CCDC150: variants seen among roughly 807,000 people sequenced by gnomAD.
The protein encoded by CCDC150 is coiled-coil domain-containing protein 150.
CCDC150 carries 151 observed loss-of-function variants against 156.5 expected under a neutral mutation model. The observed-to-expected ratio is 0.97, with a 90% CI of 0.85 to 1.10. CCDC150 has a LOEUF of 1.10. CCDC150 is among the 50% of genes least tolerant of loss of function. The pLI is 0.00. For missense variants in CCDC150, 1,312 were observed against 1,268.1 expected (o/e 1.03, Z -0.53); for synonymous variants, 452 against 429.4 (o/e 1.05, Z -0.65).
intron 5 of CCDC150, among the ~76,000 whole-genome samples, chr2:196,660,357 G>A (rs766488843): frequency 6.6e-6 from 1 of 152,128 alleles, no homozygotes; most frequent in Non-Finnish European, 1.5e-5. Context: ...GGTTCATCTG[G>A]TAAGCCTATG....
At chr2:196,707,490 T>G (rs530984811) in intron 15 of CCDC150, among the ~76,000 whole-genome samples, 3 of 152,300 alleles carry the variant, frequency 2.0e-5, no homozygotes, top group African/African-American at 7.2e-5. Context: ...TTTGAAGGGT[T>G]TTTTGTGTCT....
intron 7 of CCDC150, chr2:196,667,139 C>CA: frequency 2.6e-6 from 1 of 391,670 alleles, no homozygotes; most frequent in Admixed American, 3.7e-5. Context: ...GAATATTGGG[C>CA]AAAAAAAGTA....
chr2:196,704,804 G>C (rs1440902800), intron 15 of CCDC150, among the ~76,000 whole-genome samples: 1 of 152,092 alleles, frequency 6.6e-6, no homozygotes, highest in Non-Finnish European at 1.5e-5. Context: ...TGGGGTGTTT[G>C]TTTTTCTGTC....
intron 22 of CCDC150, among the ~76,000 whole-genome samples, chr2:196,728,428 T>C (rs757401423): frequency 2.6e-5 from 4 of 152,198 alleles, no homozygotes; most frequent in Non-Finnish European, 4.4e-5. Context: ...CTACCATCCA[T>C]AGAGAATACC....
Position 196,667,008 on chromosome 2 carries a change from A to G in CCDC150, c.892+160A>G, listed in dbSNP as rs373295445. 147 of 689,884 alleles carry G rather than the reference A, an allele frequency of 2.1e-4. 3 individuals are homozygous for G. Among genetic ancestry groups the G allele is most frequent in the East Asian group, 1.5e-3 (55 of 37,880 alleles). 42.7% of individuals were successfully genotyped at this position (689,884 alleles called of 1,614,324 possible). A position where few individuals can be genotyped will look rare whatever the true frequency, so the allele number is the denominator to read the frequency against. On this transcript the variant is annotated intron_variant, in intron 7 of 27. Coordinates refer to ENST00000389175, the MANE Select transcript of CCDC150 (RefSeq NM_001080539.2). ...GATTTCCCTTCTACCTGCAGTACTG[A>G]GATACAGAAGGATTGTTGTTAATAA...
intron 7 of CCDC150, 92 bp downstream of exon 7, chr2:196,666,940 G>T (rs1693882814): frequency 7.3e-7 from 1 of 1,377,690 alleles, no homozygotes; most frequent in South Asian, 1.2e-5. Context: ...AAAGTGGCCA[G>T]TGTTATTGGT....
At chr2:196,709,939 T>C (rs1156569874) in intron 15 of CCDC150, among the ~76,000 whole-genome samples, 3 of 151,998 alleles carry the variant, frequency 2.0e-5, no homozygotes, top group Non-Finnish European at 4.4e-5. Context: ...TACTGGGAGG[T>C]GTCTCCCAGT....
At chr2:196,648,856 G>GTA (rs1559212754) in intron 2 of CCDC150, among the ~76,000 whole-genome samples, 1 of 152,136 alleles carries the variant, frequency 6.6e-6, no homozygotes. Flanking sequence ...TCTTCTGTAT[G>GTA]TGGATAGTCA....
chr2:196,709,855 A>G (rs1316064845), intron 15 of CCDC150, among the ~76,000 whole-genome samples: 1 of 152,062 alleles, frequency 6.6e-6, no homozygotes. Flanking sequence ...AACAGCAAAT[A>G]TGGCTGCCTG....
chr2:196,732,281 G>A, intron 27 of CCDC150, 129 bp downstream of exon 27: 2 of 1,220,142 alleles, frequency 1.6e-6, no homozygotes, highest in Non-Finnish European at 2.3e-6. Context: ...CTAATGCTAG[G>A]AAACCAATTA....
At chr2:196,719,024 C>G (rs1347810142) in intron 18 of CCDC150, among the ~76,000 whole-genome samples, 1 of 152,200 alleles carries the variant, frequency 6.6e-6, no homozygotes, top group Non-Finnish European at 1.5e-5. Flanking sequence ...TCCCAAACTT[C>G]TCTTTGTCAG....
chr2:196,724,813 A>G (rs577348426), intron 21 of CCDC150, among the ~76,000 whole-genome samples: 12 of 152,266 alleles, frequency 7.9e-5, no homozygotes, highest in Admixed American at 3.3e-4. Flanking sequence ...TTTTTTGCTC[A>G]TTTTTCAGAT....
At position 196,676,251 on chromosome 2, in the gene CCDC150, C is replaced by A; in HGVS notation, c.1246C>A (p.Gln416Lys). The A allele has an allele frequency of 6.2e-7, 1 of 1,613,424 alleles. No individual in the cohort carries two copies. The highest frequency in any genetic ancestry group is 8.5e-7 in the Non-Finnish European group (1 of 1,179,596). The change falls in exon 11 of 28, where the codon CAA becomes AAA. Residue 416 changes from glutamine (Q) to lysine (K), a missense_variant. Coordinates refer to ENST00000389175, the MANE Select transcript of CCDC150 (RefSeq NM_001080539.2). ...ELQTVQNEKTQLQAHLDHLIL... is the reference protein window; with the variant it reads ...ELQTVQNEKTKLQAHLDHLIL... ...ACAGACTGTTCAGAATGAGAAAACC[C>A]AACTCCAGGCACATCTGTAAGTAAA...
rs1048667651 is a variant in CCDC150 at position 196,657,250 on chromosome 2, G to T, written c.576+114G>T. On this transcript the variant is annotated intron_variant, in intron 4 of 27. Coordinates refer to ENST00000389175, the MANE Select transcript of CCDC150 (RefSeq NM_001080539.2). Reference sequence around the variant, plus strand: ...GGTGATGTTGATATGAGGATTCTTGGCATTTGACATTTGGCATGTTGATTT... The same window carrying T: ...GGTGATGTTGATATGAGGATTCTTGTCATTTGACATTTGGCATGTTGATTT... The T allele has an allele frequency of 1.3e-4, 134 of 1,026,970 alleles. No individual in the cohort carries two copies. In the African/African-American group the frequency reaches 1.9e-3, roughly 15 times the overall value. 63.6% of individuals were successfully genotyped at this position (1,026,970 alleles called of 1,614,324 possible). A position where few individuals can be genotyped will look rare whatever the true frequency, so the allele number is the denominator to read the frequency against.
At chr2:196,722,996 A>G (rs1282276192) in intron 21 of CCDC150, among the ~76,000 whole-genome samples, 1 of 152,128 alleles carries the variant, frequency 6.6e-6, no homozygotes, top group Non-Finnish European at 1.5e-5. Context: ...AATAGTTTGT[A>G]TTTTCATCAA....
intron 7 of CCDC150, among the ~76,000 whole-genome samples, chr2:196,669,402 GT>G (rs1559228335): frequency 6.6e-6 from 1 of 152,144 alleles, no homozygotes; most frequent in African/African-American, 2.4e-5. Flanking sequence ...AAGTCCAAAA[GT>G]GCTCTCTGTT....
chr2:196,723,366 T>G (rs548879926), intron 21 of CCDC150, among the ~76,000 whole-genome samples: 2 of 151,984 alleles, frequency 1.3e-5, no homozygotes, highest in South Asian at 4.2e-4. Flanking sequence ...TGTGGTGGTG[T>G]ATGCCTGTAG....
intron 17 of CCDC150, among the ~76,000 whole-genome samples, chr2:196,717,684 G>A (rs1208728584): frequency 2.0e-5 from 3 of 152,152 alleles, no homozygotes; most frequent in African/African-American, 7.2e-5. Context: ...CTGAGGTTAG[G>A]AGTTCGAGAC....
intron 8 of CCDC150, among the ~76,000 whole-genome samples, chr2:196,670,711 G>A (rs1694152503): frequency 6.6e-6 from 1 of 152,016 alleles, no homozygotes; most frequent in Non-Finnish European, 1.5e-5. Flanking sequence ...AAATGTGTAT[G>A]TATAATAATA....
Sources: allele counts gnomAD v4.1 joint callset (sites outside exome capture counted in the v4.1 genomes callset), GRCh38; gene constraint gnomAD v4.1.1; transcripts MANE v1.5; gene names NCBI Gene and HGNC (gene_info 2026-07-23, HGNC 2026-07-21).